NRG1: variants seen among roughly 807,000 people sequenced by gnomAD.
NRG1 encodes the protein neuregulin 1.
Under a neutral mutation model 63.8 loss-of-function variants are expected in NRG1, and 18 were observed. The observed-to-expected ratio is 0.28, with a 90% CI of 0.19 to 0.42. The LOEUF is 0.42. NRG1 is among the 10% of genes least tolerant of loss of function. The pLI, the probability that NRG1 is intolerant of heterozygous loss-of-function variation, is 1.00. For synonymous variants in NRG1, 302 were observed against 301.3 expected (o/e 1.00, Z -0.02); for missense variants, 762 against 814.7 (o/e 0.94, Z 0.79).
At chr8:32,091,051 G>A (rs1034898479) in intron 1 of NRG1, among the ~76,000 whole-genome samples, 2 of 152,148 alleles carry the variant, frequency 1.3e-5, no homozygotes, top group African/African-American at 4.8e-5. Flanking sequence ...AGGCCGAGGT[G>A]GGCGGATCAC....
At chr8:32,086,134 C>G (rs1828190804) in intron 1 of NRG1, among the ~76,000 whole-genome samples, 1 of 152,072 alleles carries the variant, frequency 6.6e-6, no homozygotes, top group Non-Finnish European at 1.5e-5. Flanking sequence ...TATTGGGACT[C>G]TTGTAAATGG....
In NRG1 at chr8:32,132,679, C is replaced by T. The variant is rs1032594632; in HGVS notation, c.38-463149C>T. On this transcript the variant is annotated intron_variant, in intron 1 of 10. Coordinates refer to the NRG1 transcript ENST00000519301. The stretch of plus-strand genomic sequence containing the variant: ...GTTTGTGTGTGAATGCATGGAAGAA[C>T]ACATCTGAGATAATATAGTGTTTAC... Among the ~76,000 whole-genome samples the T allele has an allele frequency of 5.9e-5, 9 of 152,036 alleles. No individual in the cohort carries two copies. The South Asian group carries it at 1.9e-3, about 31-fold the overall frequency.
chr8:31,804,831 C>T (rs1563422532), intron 1 of NRG1, among the ~76,000 whole-genome samples: 1 of 152,146 alleles, frequency 6.6e-6, no homozygotes, highest in Non-Finnish European at 1.5e-5. Context: ...TTCATAGCAA[C>T]ACCTTGATTA....
intron 1 of NRG1, among the ~76,000 whole-genome samples, chr8:32,192,440 CA>C (rs1663263200): frequency 6.6e-6 from 1 of 152,100 alleles, no homozygotes; most frequent in South Asian, 2.1e-4. Flanking sequence ...TCCTTTGCAG[CA>C]ACATGAATGT....
At chr8:32,234,358 T>A (rs528160154) in intron 1 of NRG1, among the ~76,000 whole-genome samples, 2 of 152,226 alleles carry the variant, frequency 1.3e-5, no homozygotes, top group African/African-American at 4.8e-5. Context: ...TTATGAGCAA[T>A]CATGCATGTA....
chr8:32,457,542 C>G (rs1821751588), intron 1 of NRG1, among the ~76,000 whole-genome samples: 1 of 152,096 alleles, frequency 6.6e-6, no homozygotes, highest in Non-Finnish European at 1.5e-5. Context: ...CCTATGTATT[C>G]AATGTTTTTA....
At chr8:32,044,920 A>AAAAAAAC (rs1279007288) in intron 1 of NRG1, among the ~76,000 whole-genome samples, 1 of 147,862 alleles carries the variant, frequency 6.8e-6, no homozygotes, top group Non-Finnish European at 1.5e-5. Flanking sequence ...AAGCAAAAAA[A>AAAAAAAC]AAAAAAAAAA....
chr8:32,634,113 A>AAAAAAAAAAAAAAAAAAAAAAAAAAT (rs1850864430), intron 5 of NRG1, among the ~76,000 whole-genome samples: 1 of 151,200 alleles, frequency 6.6e-6, no homozygotes, highest in African/African-American at 2.4e-5. Flanking sequence ...AAAAAAAAAA[A>AAAAAAAAAAAAAAAAAAAAAAAAAAT]AAAAAGGTTG....
chr8:32,048,434 CATATATACATACATATATATAT>C (rs1348650487), intron 1 of NRG1, among the ~76,000 whole-genome samples: 54 of 73,100 alleles, frequency 7.4e-4, no homozygotes, highest in African/African-American at 2.6e-3. Context: ...CATATGTACA[CATATATACATACATATATATAT>C]ATATATATAT....
At chr8:32,076,512 A>C (rs1826578439) in intron 1 of NRG1, among the ~76,000 whole-genome samples, 1 of 152,082 alleles carries the variant, frequency 6.6e-6, no homozygotes, top group African/African-American at 2.4e-5. Flanking sequence ...TTTGTAAGTA[A>C]CAGGTTTTGA....
At chr8:31,737,889 G>C (rs542690078) in intron 1 of NRG1, among the ~76,000 whole-genome samples, 7 of 152,134 alleles carry the variant, frequency 4.6e-5, no homozygotes, top group African/African-American at 1.7e-4. Flanking sequence ...GCTTATTAGA[G>C]ATTCTGAGTC....
At chr8:31,826,794 C>T (rs1443205761) in intron 1 of NRG1, among the ~76,000 whole-genome samples, 1 of 152,202 alleles carries the variant, frequency 6.6e-6, no homozygotes, top group Non-Finnish European at 1.5e-5. Flanking sequence ...TAGCCTCTTT[C>T]TGGATTTATT....
intron 1 of NRG1, among the ~76,000 whole-genome samples, chr8:32,383,407 AG>A (rs1218962202): frequency 1.3e-5 from 2 of 152,204 alleles, no homozygotes; most frequent in African/African-American, 2.4e-5. Context: ...CCCGTCATTG[AG>A]GGTAGCCACC....
chr8:32,445,329 T>G (rs1014423126), intron 1 of NRG1, among the ~76,000 whole-genome samples: 2 of 152,218 alleles, frequency 1.3e-5, no homozygotes, highest in African/African-American at 4.8e-5. Flanking sequence ...TTTTTATCCA[T>G]GGTTGGTTGA....
At chr8:32,083,471 G>T (rs1052255093) in intron 1 of NRG1, among the ~76,000 whole-genome samples, 3 of 152,136 alleles carry the variant, frequency 2.0e-5, no homozygotes, top group African/African-American at 7.2e-5. Context: ...GGTGGATTGT[G>T]TCTGGGATAA....
At position 32,300,191 on chromosome 8, in the gene NRG1, GA is replaced by G. The variant is rs367868165; in HGVS notation, c.38-295630del. On this transcript the variant is annotated intron_variant, in intron 1 of 10. Coordinates refer to the NRG1 transcript ENST00000519301. ...GCCCTGGAATACTAGTCAGAAAGCT[GA>G]AAAAAACGTGCAATATGAGTTTGAA... Among the ~76,000 whole-genome samples, 159 of 151,938 alleles carry G rather than the reference GA, an allele frequency of 1.0e-3. 1 individual carries two copies. The highest frequency in any genetic ancestry group is 3.6e-3 in the African/African-American group (149 of 41,456).
At chr8:32,713,667 G>A (rs1818379325) in intron 5 of NRG1, among the ~76,000 whole-genome samples, 1 of 146,808 alleles carries the variant, frequency 6.8e-6, no homozygotes, top group Non-Finnish European at 1.5e-5. Context: ...ATTGCTGTGG[G>A]TTTGCCCATG....
chr8:32,349,651 C>G (rs1225530857), intron 1 of NRG1, among the ~76,000 whole-genome samples: 1 of 152,100 alleles, frequency 6.6e-6, no homozygotes, highest in African/African-American at 2.4e-5. Context: ...CTTGGTTACA[C>G]GAGTAAATTG....
intron 1 of NRG1, among the ~76,000 whole-genome samples, chr8:31,728,245 T>A (rs554321866): frequency 1.4e-4 from 21 of 152,012 alleles, no homozygotes; most frequent in African/African-American, 4.8e-4. Flanking sequence ...GGGTGGATCA[T>A]CTGAGGTCAG....
Sources: allele counts gnomAD v4.1 joint callset (sites outside exome capture counted in the v4.1 genomes callset), GRCh38; gene constraint gnomAD v4.1.1; transcripts MANE v1.5; gene names NCBI Gene and HGNC (gene_info 2026-07-23, HGNC 2026-07-21).